The following KCTD8 variants were observed in gnomAD, a reference collection of about 807,000 sequenced individuals.
The protein encoded by KCTD8 is potassium channel tetramerization domain containing 8.
Under a neutral mutation model 31.5 loss-of-function variants are expected in KCTD8, and 27 were observed. The observed-to-expected ratio is 0.86, with a 90% CI of 0.63 to 1.18. The LOEUF (loss-of-function observed/expected upper bound fraction) is 1.18. KCTD8 is among the 50% of genes most tolerant of loss of function. The pLI is 0.00. For missense variants in KCTD8, 658 were observed against 647.7 expected (o/e 1.02, Z -0.17); for synonymous variants, 290 against 280.0 (o/e 1.04, Z -0.36).
intron 1 of KCTD8, among the ~76,000 whole-genome samples, chr4:44,215,549 C>T (rs890867130): frequency 6.6e-6 from 1 of 152,108 alleles, no homozygotes; most frequent in African/African-American, 2.4e-5. Flanking sequence ...CATTTCTATA[C>T]TGTAATTGTG....
At chr4:44,268,161 C>T (rs915635329) in intron 1 of KCTD8, among the ~76,000 whole-genome samples, 28 of 152,174 alleles carry the variant, frequency 1.8e-4, no homozygotes, top group African/African-American at 6.3e-4. Context: ...ACTGGCAAAC[C>T]GAATCCAGCA....
At chr4:44,184,452 A>G (rs1713522241) in intron 1 of KCTD8, among the ~76,000 whole-genome samples, 1 of 152,336 alleles carries the variant, frequency 6.6e-6, no homozygotes, top group Admixed American at 6.5e-5. Context: ...AAAGAAAAGA[A>G]AAAGAAGAGT....
At chr4:44,250,048 C>G (rs1161593930) in intron 1 of KCTD8, among the ~76,000 whole-genome samples, 1 of 151,734 alleles carries the variant, frequency 6.6e-6, no homozygotes, top group Non-Finnish European at 1.5e-5. Flanking sequence ...GTTTATCACT[C>G]AACATCATTT....
At chr4:44,234,143 C>T (rs1715203350) in intron 1 of KCTD8, among the ~76,000 whole-genome samples, 1 of 152,050 alleles carries the variant, frequency 6.6e-6, no homozygotes, top group South Asian at 2.1e-4. Flanking sequence ...TTACTCTTAC[C>T]AACGTCTACA....
intron 1 of KCTD8, among the ~76,000 whole-genome samples, chr4:44,333,603 A>T (rs977260669): frequency 6.6e-6 from 1 of 152,128 alleles, no homozygotes; most frequent in African/African-American, 2.4e-5. Context: ...CATTGACCTT[A>T]CCACTCATCC....
intron 1 of KCTD8, among the ~76,000 whole-genome samples, chr4:44,407,674 C>T (rs1238439742): frequency 6.6e-6 from 1 of 152,160 alleles, no homozygotes; most frequent in Non-Finnish European, 1.5e-5. Flanking sequence ...GTGTGAGCCA[C>T]CGCACCCAGC....
At chr4:44,175,350 A>T in intron 1 of KCTD8, 100 bp from the exon 2 acceptor site, 1 of 725,026 alleles carries the variant, frequency 1.4e-6, no homozygotes, top group South Asian at 2.5e-5. Context: ...TAAACCAAGA[A>T]CATTTATTTT....
At chr4:44,274,289 C>T (rs910151579) in intron 1 of KCTD8, among the ~76,000 whole-genome samples, 2 of 151,888 alleles carry the variant, frequency 1.3e-5, no homozygotes, top group African/African-American at 4.8e-5. Context: ...ATGTGGTTTC[C>T]AGCAAAACTA....
chr4:44,379,169 A>G (rs887403648), intron 1 of KCTD8, among the ~76,000 whole-genome samples: 3 of 152,114 alleles, frequency 2.0e-5, no homozygotes, highest in Non-Finnish European at 4.4e-5. Flanking sequence ...ATGAAGTAAC[A>G]TACTATCAGG....
intron 1 of KCTD8, among the ~76,000 whole-genome samples, chr4:44,355,990 A>C (rs1476023500): frequency 6.6e-6 from 1 of 152,180 alleles, no homozygotes; most frequent in African/African-American, 2.4e-5. Context: ...CAAAATGACC[A>C]CTAAACTTAG....
At chr4:44,380,256 C>A (rs1720026250) in intron 1 of KCTD8, among the ~76,000 whole-genome samples, 1 of 151,854 alleles carries the variant, frequency 6.6e-6, no homozygotes. Context: ...TCCCTAACAA[C>A]ATTATCAAAT....
chr4:44,193,891 G>A (rs1298787154), intron 1 of KCTD8, among the ~76,000 whole-genome samples: 3 of 152,012 alleles, frequency 2.0e-5, no homozygotes, highest in Admixed American at 6.6e-5. Context: ...ATTATAAGAA[G>A]CAACTATGGT....
chr4:44,428,574 A>G (rs1397387370), intron 1 of KCTD8, among the ~76,000 whole-genome samples: 2 of 151,778 alleles, frequency 1.3e-5, no homozygotes, highest in African/African-American at 4.8e-5. Context: ...TTCTCTCCCA[A>G]AAGTGTGCAC....
intron 1 of KCTD8, among the ~76,000 whole-genome samples, chr4:44,258,916 G>C (rs1223850685): frequency 2.0e-5 from 3 of 151,710 alleles, no homozygotes; most frequent in African/African-American, 7.3e-5. Flanking sequence ...CTGTAAAATG[G>C]GAATAATAAT....
At chr4:44,370,452 C>T (rs766159335) in intron 1 of KCTD8, among the ~76,000 whole-genome samples, 9 of 152,248 alleles carry the variant, frequency 5.9e-5, no homozygotes, top group East Asian at 1.9e-4. Flanking sequence ...ATTTTTCTCA[C>T]GAAGTCTACT....
chr4:44,434,934 C>T (rs1721606155), intron 1 of KCTD8, among the ~76,000 whole-genome samples: 1 of 151,910 alleles, frequency 6.6e-6, no homozygotes, highest in South Asian at 2.1e-4. Context: ...TTACAATTTA[C>T]AGGCATTATC....
intron 1 of KCTD8, among the ~76,000 whole-genome samples, chr4:44,256,572 T>C (rs569274153): frequency 6.6e-6 from 1 of 151,984 alleles, no homozygotes; most frequent in African/African-American, 2.4e-5. Flanking sequence ...ACAACTTCTT[T>C]GGGAAATAAG....
At chr4:44,205,463 A>G (rs1395184901) in intron 1 of KCTD8, among the ~76,000 whole-genome samples, 1 of 152,222 alleles carries the variant, frequency 6.6e-6, no homozygotes, top group East Asian at 1.9e-4. Context: ...ACATACAAAA[A>G]TATATGCTGG....
chr4:44,265,833 A>C (rs903853735), intron 1 of KCTD8, among the ~76,000 whole-genome samples: 6 of 152,218 alleles, frequency 3.9e-5, no homozygotes, highest in African/African-American at 1.2e-4. Context: ...TGAGAAGGGA[A>C]GTTTAGAGAA....
Sources: allele counts gnomAD v4.1 joint callset (sites outside exome capture counted in the v4.1 genomes callset), GRCh38; gene constraint gnomAD v4.1.1; transcripts MANE v1.5; gene names NCBI Gene and HGNC (gene_info 2026-07-23, HGNC 2026-07-21).